The following WRN variants were observed in gnomAD, a reference collection of about 807,000 sequenced individuals.
WRN encodes the protein WRN RecQ like helicase, also known as bifunctional 3'-5' exonuclease/ATP-dependent helicase WRN.
In WRN, 149 loss-of-function variants were observed where a neutral mutation model predicts 180.7. The observed-to-expected ratio is 0.82, with a 90% CI of 0.72 to 0.94. The LOEUF is 0.94. Ranked by LOEUF, WRN falls within the 40% of genes least tolerant of loss-of-function variation. The pLI is 0.00. For synonymous variants in WRN, 548 were observed against 568.9 expected, an observed-to-expected ratio of 0.96 and a Z score of 0.52; for missense variants, 1,661 against 1,700.1, an observed-to-expected ratio of 0.98 and a Z score of 0.40.
rs551294888 is a variant in WRN, at chr8:31,101,584, C to G, written c.2088+629C>G. ...GGTGGATCACCTGAGGTCAGGAGTT[C>G]GAGACCAGCCTGGTCAACATGGTGA... On this transcript the variant is annotated intron_variant, in intron 18 of 34. Coordinates refer to ENST00000298139, the MANE Select transcript of WRN (RefSeq NM_000553.6). Among the ~76,000 whole-genome samples the G allele has an allele frequency of 7.9e-5, 12 of 151,984 alleles. No individual in the cohort carries two copies. The South Asian group carries it at 2.1e-3, about 26-fold the overall frequency.
chr8:31,115,506 G>A (rs181342347), intron 19 of WRN, among the ~76,000 whole-genome samples: 2 of 152,222 alleles, frequency 1.3e-5, no homozygotes, highest in East Asian at 3.9e-4. Context: ...TTATAATGTT[G>A]CAGTGAATAT....
intron 1 of WRN, among the ~76,000 whole-genome samples, chr8:31,038,753 A>C (rs1811538523): frequency 2.0e-5 from 3 of 152,182 alleles, no homozygotes; most frequent in Admixed American, 2.0e-4. Flanking sequence ...ATTTTTGTAT[A>C]TGGTGTGAGG....
intron 7 of WRN, among the ~76,000 whole-genome samples, chr8:31,074,041 G>A (rs548571299): frequency 6.6e-6 from 1 of 151,652 alleles, no homozygotes; most frequent in East Asian, 1.9e-4. Context: ...CTCAGCCTCC[G>A]GAGTAGCTGG....
rs547900940 is a variant in WRN at position 31,038,090 on chromosome 8, T to G, written c.-77+4117T>G. Among the ~76,000 whole-genome samples, 17 of 152,310 alleles carry G rather than the reference T, an allele frequency of 1.1e-4. 1 individual carries two copies. In the South Asian group the frequency reaches 3.3e-3, roughly 30 times the overall value. On this transcript the variant is annotated intron_variant, in intron 1 of 34. Coordinates refer to ENST00000298139, the MANE Select transcript of WRN (RefSeq NM_000553.6). ...CAAGAATCTGTTTGAGTTCCTATTT[T>G]CAATTCTTTTGGGAATATACCTACG...
At chr8:31,106,280 A>G (rs1037212673) in intron 18 of WRN, among the ~76,000 whole-genome samples, 3 of 151,382 alleles carry the variant, frequency 2.0e-5, no homozygotes, top group African/African-American at 2.4e-5. Flanking sequence ...CACTCTTCCC[A>G]TCCCTCATTC....
At chr8:31,149,491 T>G (rs1803022411) in intron 30 of WRN, among the ~76,000 whole-genome samples, 101 of 54,438 alleles carry the variant, frequency 1.9e-3, no homozygotes, top group Admixed American at 2.1e-3. Context: ...TTTTTTTTTT[T>G]GGTGATAGAG....
In WRN at chr8:31,064,288, G is replaced by A. The variant is rs758988621; in HGVS notation, c.210-1G>A. 26 of 1,613,750 alleles carry A rather than the reference G, an allele frequency of 1.6e-5. No homozygotes were observed. The highest frequency in any genetic ancestry group is 6.7e-5 in the African/African-American group (5 of 74,872). ...AATTTACACTATTTTTCTCACTTTA[G>A]CATGAGTCTATCAGATGGGGATGTG... On this transcript the variant is annotated splice_acceptor_variant, in intron 3 of 34. Transcript: ENST00000298139. LOFTEE classifies it high-confidence loss of function.
At chr8:31,095,591 C>T (rs1476920013) in intron 16 of WRN, among the ~76,000 whole-genome samples, 1 of 152,138 alleles carries the variant, frequency 6.6e-6, no homozygotes, top group Admixed American at 6.5e-5. Context: ...GTATTGATTA[C>T]AGTTTATGTA....
chr8:31,125,137 G>T (rs1037481710), intron 23 of WRN, 137 bp downstream of exon 23: 19 of 817,962 alleles, frequency 2.3e-5, no homozygotes, highest in Non-Finnish European at 3.6e-5. Flanking sequence ...ATATGAGAAA[G>T]CAAACAATAT....
chr8:31,036,331 G>A (rs1811451732), intron 1 of WRN, among the ~76,000 whole-genome samples: 1 of 152,226 alleles, frequency 6.6e-6, no homozygotes, highest in African/African-American at 2.4e-5. Flanking sequence ...AAACATGGAA[G>A]TGCAGATAGC....
chr8:31,156,621 A>AT (rs1803395983), intron 32 of WRN, among the ~76,000 whole-genome samples: 1 of 152,250 alleles, frequency 6.6e-6, no homozygotes, highest in Non-Finnish European at 1.5e-5. Flanking sequence ...TACAGTCTAA[A>AT]TTCAGACTTT....
Position 31,065,157 on chromosome 8 carries a change from A to G in WRN, c.504+94A>G. 3 of 1,342,824 alleles carry G rather than the reference A, an allele frequency of 2.2e-6. No homozygotes were observed. The South Asian group carries it at 4.1e-5, about 18-fold the overall frequency. 83.2% of individuals were successfully genotyped at this position (1,342,824 alleles called of 1,614,324 possible). On this transcript the variant is annotated intron_variant, in intron 5 of 34. Transcript: ENST00000298139. The stretch of plus-strand genomic sequence containing the variant: ...CTGAATGTTAGATTTTTTTTTGAAA[A>G]AGCTTGTTATATAATGTTTTTGTAG...
intron 34 of WRN, 110 bp from the exon 35 acceptor site, chr8:31,172,884 TG>T (rs1804154227): frequency 1.2e-6 from 1 of 848,898 alleles, no homozygotes. Flanking sequence ...TTTGTTTGGA[TG>T]GGGGAGAAAG....
intron 6 of WRN, among the ~76,000 whole-genome samples, chr8:31,067,722 G>A (rs188336322): frequency 4.6e-5 from 7 of 152,060 alleles, no homozygotes; most frequent in Non-Finnish European, 1.0e-4. Flanking sequence ...TAGCACTATT[G>A]TGTGTTTTTT....
intron 24 of WRN, among the ~76,000 whole-genome samples, chr8:31,133,126 T>C (rs1315340233): frequency 6.6e-6 from 1 of 152,210 alleles, no homozygotes. Context: ...GTGAATAAGA[T>C]AGGACCGTTG....
intron 34 of WRN, chr8:31,171,041 T>C (rs1463536381): frequency 6.6e-6 from 1 of 152,204 alleles, no homozygotes; most frequent in African/African-American, 2.4e-5. Flanking sequence ...TCAGTGATGT[T>C]ATGTACTATT....
rs1812390404 is a variant in WRN at position 31,059,212 on chromosome 8, C to T, written c.156C>T (p.Ser52=). 6.2e-7 allele frequency: 1 copy of T among 1,613,652 alleles called. No individual in the cohort carries two copies. The highest frequency in any genetic ancestry group is 8.5e-7 in the Non-Finnish European group (1 of 1,179,886). The change falls in exon 3 of 35, where the codon TCC becomes TCT. Residue 52 remains serine, a synonymous_variant. Transcript: ENST00000298139. ...DDLPFLEFTG[S]IVYSYDASDC... ...TCCCCTTCTTAGAATTCACTGGATC[C>T]ATTGTGTATAGTTACGATGCTAGTG...
rs1804216208 is a variant in WRN, at chr8:31,174,786, C to CTTCCAT, written c.*1688_*1689insATTTCC. ...CTTCTTTCTCTCTTTCCTTCCTTCC[C>CTTCCAT]TTCCCTTCCCCTTCCTTCCTTCCTT... On this transcript the variant is annotated 3_prime_UTR_variant, in exon 35 of 35. Coordinates refer to ENST00000298139, the MANE Select transcript of WRN (RefSeq NM_000553.6). Among the ~76,000 whole-genome samples the CTTCCAT allele has an allele frequency of 1.3e-5, 1 of 76,472 alleles. No individual in the cohort carries two copies. The highest frequency in any genetic ancestry group is 2.9e-4 in the East Asian group (1 of 3,416). The allele number at this position is 76,472 out of a possible 152,430, so 50.2% of individuals were successfully genotyped here. A position where few individuals can be genotyped will look rare whatever the true frequency, so the allele number is the denominator to read the frequency against.
chr8:31,061,085 G>A (rs902128680), intron 3 of WRN, among the ~76,000 whole-genome samples: 3 of 152,042 alleles, frequency 2.0e-5, no homozygotes, highest in African/African-American at 7.2e-5. Flanking sequence ...GGGACTCTTA[G>A]TACACACAAG....
Sources: gnomAD v4.1 joint callset for allele counts (sites outside exome capture counted in the v4.1 genomes callset) on GRCh38, gnomAD v4.1.1 for gene constraint, MANE v1.5 for transcripts, NCBI Gene and HGNC (gene_info 2026-07-23, HGNC 2026-07-21) for gene names.